LOXL4: variants seen among roughly 807,000 people sequenced by gnomAD.
The protein encoded by LOXL4 is lysyl oxidase like 4.
LOXL4 carries 72 observed loss-of-function variants against 89.1 expected under a neutral mutation model. That is an observed-to-expected ratio of 0.81 (90% CI 0.67 to 0.98). The LOEUF is 0.98. Ranked by LOEUF, LOXL4 falls within the 50% of genes least tolerant of loss-of-function variation. The pLI is 0.00. For synonymous variants in LOXL4, 355 were observed against 392.1 expected, an observed-to-expected ratio of 0.91 and a Z score of 1.12; for missense variants, 984 against 1,017.5, an observed-to-expected ratio of 0.97 and a Z score of 0.45.
intron 14 of LOXL4, among the ~76,000 whole-genome samples, chr10:98,249,303 C>T (rs544853437): frequency 2.6e-5 from 4 of 152,274 alleles, no homozygotes; most frequent in South Asian, 2.1e-4. Flanking sequence ...CACTCTGGCT[C>T]CTTTGTCCTC....
At chr10:98,251,815 C>T (rs1858201731) in intron 12 of LOXL4, 113 bp from the exon 13 acceptor site, 5 of 1,301,332 alleles carry the variant, frequency 3.8e-6, no homozygotes, top group Non-Finnish European at 5.2e-6. Context: ...TAAGGACCGT[C>T]AGAGCTAGAA....
rs947268012 is a variant in LOXL4, at chr10:98,257,509, A to C, written c.1260+141T>G. ...GAGGGGCTGCAGCCAGGTCGGCTCTAAGGGAAGGCAGACTGGTGCCCAAAG... is the reference window on the plus strand; with the variant it reads ...GAGGGGCTGCAGCCAGGTCGGCTCTCAGGGAAGGCAGACTGGTGCCCAAAG... On this transcript the variant is annotated intron_variant, in intron 8 of 14. Transcript: ENST00000260702. 1.5e-5 allele frequency: 15 copies of C among 1,034,434 alleles called. No individual in the cohort carries two copies. In the Middle Eastern group the frequency reaches 6.4e-4, roughly 44 times the overall value. The allele number at this position is 1,034,434 out of a possible 1,614,324, so 64.1% of individuals were successfully genotyped here.
intron 4 of LOXL4, among the ~76,000 whole-genome samples, 163 bp from the exon 5 acceptor site, chr10:98,259,592 G>C (rs896284610): frequency 2.6e-5 from 4 of 152,192 alleles, no homozygotes; most frequent in African/African-American, 9.7e-5. Context: ...GCCCTGACGG[G>C]GTGGCCACCT....
rs202182563 is a variant in LOXL4, at chr10:98,262,159, T to A, written c.332A>T (p.Gln111Leu). The A allele has an allele frequency of 6.2e-7, 1 of 1,613,622 alleles. No individual in the cohort carries two copies. The highest frequency in any genetic ancestry group is 1.3e-5 in the African/African-American group (1 of 74,918). ...RCVGTESSLDQCGSNGWGVSD... is the reference protein window; with the variant it reads ...RCVGTESSLDLCGSNGWGVSD... ...GACTCCCCAGCCATTAGACCCGCAC[T>A]GGTCCAAGGAGCTCTCTGTGCCCAC... The change falls in exon 3 of 15, where the codon CAG becomes CTG. Residue 111 changes from glutamine (Q) to leucine (L), a missense_variant. By Grantham distance (113) the Gln-to-Leu change is moderately radical. Transcript: ENST00000260702.
rs759299394 is a variant in LOXL4 at position 98,249,005 on chromosome 10, GA to G, written c.2201-15del. The G allele has an allele frequency of 2.0e-5, 32 of 1,611,966 alleles. No individual in the cohort carries two copies. Among genetic ancestry groups the G allele is most frequent in the Middle Eastern group, 1.7e-4 (1 of 6,056 alleles). Reference sequence around the variant, plus strand: ...GGTATGAATTCCCTGTGGGCCAAAGGAAAACAGGTAAGTAGCCAACCTTTCC... The same window carrying G: ...GGTATGAATTCCCTGTGGGCCAAAGGAAACAGGTAAGTAGCCAACCTTTCC... On this transcript the variant is annotated splice_polypyrimidine_tract_variant and intron_variant, in intron 14 of 14. Transcript: ENST00000260702.
At position 98,257,995 on chromosome 10, in the gene LOXL4, G is replaced by T; in HGVS notation, c.1091C>A (p.Ala364Asp). 12 of 1,613,802 alleles carry T rather than the reference G, an allele frequency of 7.4e-6. No homozygotes were observed. Among genetic ancestry groups the T allele is most frequent in the Non-Finnish European group, 1.0e-5 (12 of 1,179,982 alleles). The change falls in exon 7 of 15, where the codon GCC (alanine) becomes GAC (aspartate). Residue 364 changes from alanine (A) to aspartate (D), a missense_variant. Ala to Asp is a moderately radical substitution (Grantham distance 126). Coordinates refer to ENST00000260702, the MANE Select transcript of LOXL4 (RefSeq NM_032211.7). The stretch of plus-strand genomic sequence containing the variant: ...GTCTCACTCACCTTGGCCCAGCCGG[G>T]CCCCAAAGAGGGCCTCCCGAGCAGA... ...FGSAREALFG[A>D]RLGQGLGPIH...
Position 98,256,865 on chromosome 10 carries a change from C to A in LOXL4, c.1343G>T (p.Ser448Ile), listed in dbSNP as rs770162650. The change falls in exon 9 of 15, where the codon AGC becomes ATC. Residue 448 changes from serine to isoleucine, a missense_variant. Physicochemically the swap from Ser to Ile is moderately radical, Grantham distance 142. Coordinates refer to ENST00000260702, the MANE Select transcript of LOXL4 (RefSeq NM_032211.7). ...VEVNGVPRWGSVCSENWGLTE... is the reference protein window; with the variant it reads ...VEVNGVPRWGIVCSENWGLTE... ...GAGCCCCCAGTTTTCACTGCACACGCTCCCCCAGCGTGGGACCCCGTTCAC... is the reference window on the plus strand; with the variant it reads ...GAGCCCCCAGTTTTCACTGCACACGATCCCCCAGCGTGGGACCCCGTTCAC... 1 of 1,614,206 alleles carries A rather than the reference C, an allele frequency of 6.2e-7. No individual in the cohort carries two copies. Among genetic ancestry groups the A allele is most frequent in the Non-Finnish European group, 8.5e-7 (1 of 1,180,022 alleles).
intron 11 of LOXL4, among the ~76,000 whole-genome samples, chr10:98,253,290 A>T (rs1389430265): frequency 6.6e-6 from 1 of 152,252 alleles, no homozygotes; most frequent in East Asian, 1.9e-4. Flanking sequence ...TTCTAACAGA[A>T]CAACTCTGCT....
chr10:98,268,175 G>C lies in LOXL4; in HGVS notation c.-76C>G, dbSNP rs932108828. 1.3e-5 allele frequency: 2 copies of C among 151,870 alleles called. No individual in the cohort carries two copies. The highest frequency in any genetic ancestry group is 2.9e-5 in the Non-Finnish European group (2 of 67,924). 9.4% of individuals were successfully genotyped at this position (151,870 alleles called of 1,614,324 possible). A position where few individuals can be genotyped will look rare whatever the true frequency, so the allele number is the denominator to read the frequency against. The stretch of plus-strand genomic sequence containing the variant: ...TCCGGGGCTGGGCGGGCGCCGCGGC[G>C]GAGCAGCGCTAACGGGCTCCCTCCC... On this transcript the variant is annotated 5_prime_UTR_variant, in exon 1 of 15. Coordinates refer to ENST00000260702, the MANE Select transcript of LOXL4 (RefSeq NM_032211.7).
At chr10:98,260,392 T>TG (rs1007821524) in intron 4 of LOXL4, among the ~76,000 whole-genome samples, 3 of 151,282 alleles carry the variant, frequency 2.0e-5, no homozygotes, top group Non-Finnish European at 4.4e-5. Context: ...TACACGTGGG[T>TG]GTCACTGCAA....
Position 98,257,639 on chromosome 10 carries a change from C to T in LOXL4, c.1260+11G>A, listed in dbSNP as rs1858415610. 6.2e-7 allele frequency: 1 copy of T among 1,611,392 alleles called. No homozygotes were observed. The highest frequency in any genetic ancestry group is 1.7e-5 in the Admixed American group (1 of 59,876). The stretch of plus-strand genomic sequence containing the variant: ...CCCCCAGCCTGAGGCCATGCTCAGA[C>T]CCAAACTCACCTGATTCTGAAAGCC... On this transcript the variant is annotated intron_variant, in intron 8 of 14. Transcript: ENST00000260702.
chr10:98,254,206 A>G (rs1215253532), intron 10 of LOXL4, among the ~76,000 whole-genome samples: 1 of 152,238 alleles, frequency 6.6e-6, no homozygotes, highest in Admixed American at 6.5e-5. Flanking sequence ...TGAAGCTAGT[A>G]TTTATTTTGT....
At chr10:98,251,003 A>G (rs1423593157) in intron 14 of LOXL4, 62 bp downstream of exon 14, 1 of 1,207,160 alleles carries the variant, frequency 8.3e-7, no homozygotes, top group Middle Eastern at 2.2e-4. Context: ...CAGAGGGTAC[A>G]TTTACAGTGT....
intron 10 of LOXL4, among the ~76,000 whole-genome samples, chr10:98,255,314 A>G (rs1858324393): frequency 6.6e-6 from 1 of 152,246 alleles, no homozygotes; most frequent in Non-Finnish European, 1.5e-5. Flanking sequence ...ACTGTTGGTC[A>G]TAACCCAAAG....
In LOXL4 at chr10:98,256,883, C is replaced by A. The variant is rs762348618; in HGVS notation, c.1325G>T (p.Gly442Val). 1 of 1,614,212 alleles carries A rather than the reference C, an allele frequency of 6.2e-7. No homozygotes were observed. Among genetic ancestry groups the A allele is most frequent in the Non-Finnish European group, 8.5e-7 (1 of 1,180,044 alleles). Residue 442 changes from glycine (G) to valine (V), a missense_variant, in exon 9 of 15, where the codon GGG becomes GTG. Transcript: ENST00000260702. ...GCACACGCTCCCCCAGCGTGGGACCCCGTTCACCTCCACCTGCACCTCCAA... is the reference window on the plus strand; with the variant it reads ...GCACACGCTCCCCCAGCGTGGGACCACGTTCACCTCCACCTGCACCTCCAA... ...GLLEVQVEVNGVPRWGSVCSE... is the reference protein window; with the variant it reads ...GLLEVQVEVNVVPRWGSVCSE...
At position 98,262,052 on chromosome 10, in the gene LOXL4, T is replaced by G; in HGVS notation, c.439A>C (p.Asn147His). The change falls in exon 3 of 15, where the codon AAT becomes CAT. Residue 147 changes from asparagine to histidine, a missense_variant. By Grantham distance (68) the Asn-to-His change is moderately conservative (BLOSUM62 1). Coordinates refer to ENST00000260702, the MANE Select transcript of LOXL4 (RefSeq NM_032211.7). ...CTCCTCACCTGGGGCCCAAGGGCAT[T>G]GGAGACAGTTTCAGAAAGGTAGCCA... ...HRGYLSETVSNALGPQGRRLE... is the reference protein window; with the variant it reads ...HRGYLSETVSHALGPQGRRLE... 6.2e-7 allele frequency: 1 copy of G among 1,610,648 alleles called. No individual in the cohort carries two copies.
intron 7 of LOXL4, 50 bp from the exon 8 acceptor site, chr10:98,257,854 A>G: frequency 6.3e-7 from 1 of 1,586,836 alleles, no homozygotes; most frequent in Non-Finnish European, 8.6e-7. Context: ...CCGTAACCCC[A>G]CACTTGTGGC....
intron 1 of LOXL4, among the ~76,000 whole-genome samples, chr10:98,264,084 T>G (rs1858620714): frequency 6.6e-6 from 1 of 151,912 alleles, no homozygotes; most frequent in South Asian, 2.1e-4. Flanking sequence ...TCTGGATCCC[T>G]CCTGCAGCTT....
chr10:98,262,882 C>CA lies in LOXL4; in HGVS notation c.137dup (p.Glu47GlyfsTer13). 6.2e-7 allele frequency: 1 copy of CA among 1,613,726 alleles called. No individual in the cohort carries two copies. Among genetic ancestry groups the CA allele is most frequent in the Non-Finnish European group, 8.5e-7 (1 of 1,180,040 alleles). On this transcript the variant is annotated frameshift_variant, in exon 2 of 15. Coordinates refer to ENST00000260702, the MANE Select transcript of LOXL4 (RefSeq NM_032211.7). LOFTEE classifies it high-confidence loss of function. ...CCCACTGGCCCTGGTGCAGCACCTCCAGGCGGCCCTCCTCTGGCTTGCTCT... is the reference window on the plus strand; with the variant it reads ...CCCACTGGCCCTGGTGCAGCACCTCCAAGGCGGCCCTCCTCTGGCTTGCTCT...
Sources: gnomAD v4.1 joint callset for allele counts (sites outside exome capture counted in the v4.1 genomes callset) on GRCh38, gnomAD v4.1.1 for gene constraint, MANE v1.5 for transcripts, NCBI Gene and HGNC (gene_info 2026-07-23, HGNC 2026-07-21) for gene names.